Variants in TBC1D4 observed in about 807,000 individuals in gnomAD.
TBC1D4 encodes the protein TBC (Tre-2, BUB2, CDC16) domain-containing protein.
Under a neutral mutation model 142.5 loss-of-function variants are expected in TBC1D4, and 121 were observed. The observed-to-expected ratio is 0.85, with a 90% CI of 0.73 to 0.99. The LOEUF (loss-of-function observed/expected upper bound fraction) is 0.99. TBC1D4 is among the 50% of genes least tolerant of loss of function. The probability of loss-of-function intolerance (pLI) is 0.00; values close to 1 mark genes in which losing one functional copy is unlikely to be tolerated. For synonymous variants in TBC1D4, 630 were observed against 628.2 expected, an observed-to-expected ratio of 1.00 and a Z score of -0.04; for missense variants, 1,475 against 1,606.6, an observed-to-expected ratio of 0.92 and a Z score of 1.40.
At chr13:75,344,355 A>C (rs1282762740) in intron 5 of TBC1D4, among the ~76,000 whole-genome samples, 1 of 152,244 alleles carries the variant, frequency 6.6e-6, no homozygotes, top group African/African-American at 2.4e-5. Context: ...TAAACTAGGA[A>C]GTTTCTTTAG....
chr13:75,291,800 G>C (rs1875337171), intron 19 of TBC1D4, among the ~76,000 whole-genome samples: 1 of 152,090 alleles, frequency 6.6e-6, no homozygotes, highest in Non-Finnish European at 1.5e-5. Context: ...ATATAACAAA[G>C]GCAAGAGGAT....
At position 75,324,186 on chromosome 13, in the gene TBC1D4, G is replaced by A. The variant is rs191502162; in HGVS notation, c.2198+51C>T. ...TCAACCACTTTTTAGTAACATATCA[G>A]TATATCACTGCAGAAAATTTTGCTT... On this transcript the variant is annotated intron_variant, in intron 11 of 20. Transcript: ENST00000377636. 299 of 1,604,114 alleles carry A rather than the reference G, an allele frequency of 1.9e-4. 5 individuals carry two copies. In the African/African-American group the frequency reaches 3.6e-3, roughly 19 times the overall value.
In TBC1D4 at chr13:75,411,767, G is replaced by A. The variant is rs1885680676; in HGVS notation, c.499-49160C>T. 2.0e-5 allele frequency among the ~76,000 whole-genome samples: 3 copies of A among 151,750 alleles called. No homozygotes were observed. The South Asian group carries it at 6.2e-4, about 32-fold the overall frequency. On this transcript the variant is annotated intron_variant, in intron 1 of 20. Coordinates refer to ENST00000377636, the MANE Select transcript of TBC1D4 (RefSeq NM_014832.5). ...TGGCCAGGCTGGTCTCGAACTCCTG[G>A]CCTCAGGTGATCCACCCGCCTCGGC...
At chr13:75,306,586 G>A (rs891559134) in intron 14 of TBC1D4, 115 bp from the exon 15 acceptor site, 2 of 1,258,434 alleles carry the variant, frequency 1.6e-6, no homozygotes, top group Middle Eastern at 2.2e-4. Flanking sequence ...AACTGGTAGT[G>A]TATCTCAAAA....
chr13:75,447,583 C>T (rs183815893), intron 1 of TBC1D4, among the ~76,000 whole-genome samples: 32 of 150,280 alleles, frequency 2.1e-4, no homozygotes, highest in African/African-American at 7.3e-4. Flanking sequence ...CACACATATA[C>T]GTATACTTTA....
chr13:75,293,027 T>A (rs1332085554), intron 18 of TBC1D4, among the ~76,000 whole-genome samples: 3 of 152,082 alleles, frequency 2.0e-5, no homozygotes, highest in Non-Finnish European at 4.4e-5. Context: ...TGGTGGCACA[T>A]GCCTGTAGTC....
intron 1 of TBC1D4, among the ~76,000 whole-genome samples, chr13:75,470,833 A>G (rs1226820389): frequency 6.6e-6 from 1 of 152,158 alleles, no homozygotes; most frequent in African/African-American, 2.4e-5. Context: ...CAAAAAATAC[A>G]TAAACTAGCC....
intron 1 of TBC1D4, among the ~76,000 whole-genome samples, chr13:75,473,138 C>T (rs934362861): frequency 1.1e-4 from 16 of 152,252 alleles, no homozygotes; most frequent in African/African-American, 3.4e-4. Context: ...GCTGGGATTA[C>T]AGGCATGCAC....
chr13:75,329,773 C>T (rs1045218871), intron 8 of TBC1D4, among the ~76,000 whole-genome samples: 1 of 152,110 alleles, frequency 6.6e-6, no homozygotes, highest in Non-Finnish European at 1.5e-5. Flanking sequence ...ACTAATAGTT[C>T]GGCTGGATAT....
chr13:75,371,325 GA>G lies in TBC1D4; in HGVS notation c.499-8719del, dbSNP rs1883209719. Among the ~76,000 whole-genome samples the G allele has an allele frequency of 2.0e-5, 3 of 152,202 alleles. No individual in the cohort carries two copies. In the South Asian group the frequency reaches 6.2e-4, roughly 31 times the overall value. On this transcript the variant is annotated intron_variant, in intron 1 of 20. Coordinates refer to ENST00000377636, the MANE Select transcript of TBC1D4 (RefSeq NM_014832.5). ...GTGAAGGGGAAATCAATGATTTCAA[GA>G]AACAGGGCAGAATTGCTGGAGCAAT...
chr13:75,430,768 G>A (rs1886564290), intron 1 of TBC1D4, among the ~76,000 whole-genome samples: 1 of 152,116 alleles, frequency 6.6e-6, no homozygotes, highest in Non-Finnish European at 1.5e-5. Context: ...TTTATCCTGT[G>A]TAATTAGGGT....
intron 1 of TBC1D4, among the ~76,000 whole-genome samples, chr13:75,436,534 T>C (rs1229356728): frequency 6.6e-6 from 1 of 151,962 alleles, no homozygotes; most frequent in Admixed American, 6.6e-5. Context: ...TGCATGCCTA[T>C]AGTCCCAGCT....
At chr13:75,295,298 G>A (rs1020543684) in intron 17 of TBC1D4, among the ~76,000 whole-genome samples, 1 of 152,148 alleles carries the variant, frequency 6.6e-6, no homozygotes, top group African/African-American at 2.4e-5. Context: ...CTTCTGTAGG[G>A]AGGCATTGCT....
chr13:75,475,274 A>G (rs2138342484), intron 1 of TBC1D4, among the ~76,000 whole-genome samples: 1 of 152,310 alleles, frequency 6.6e-6, no homozygotes, highest in Non-Finnish European at 1.5e-5. Context: ...GTCAAGAAAA[A>G]TCCTTTACTT....
chr13:75,287,347 G>T (rs1449392026), intron 20 of TBC1D4, among the ~76,000 whole-genome samples: 1 of 152,148 alleles, frequency 6.6e-6, no homozygotes, highest in African/African-American at 2.4e-5. Context: ...AGAAACAGGA[G>T]ATTCCTGACA....
In TBC1D4 at chr13:75,286,803, T is replaced by G; in HGVS notation, c.3886A>C (p.Asn1296His). 3.1e-6 allele frequency: 5 copies of G among 1,613,738 alleles called. No individual in the cohort carries two copies. The highest frequency in any genetic ancestry group is 4.2e-6 in the Non-Finnish European group (5 of 1,179,864). The part of the protein sequence containing the change: ...CNPNNKAKIG[N>H]KP ...CCGTGCCTCTTCAATTATGGCTTAT[T>G]TCCTATCTTGGCTTTGTTGTTAGGG... The change falls in exon 21 of 21, where the codon AAT (asparagine) becomes CAT (histidine). Residue 1296 changes from asparagine to histidine, a missense_variant. Coordinates refer to ENST00000377636, the MANE Select transcript of TBC1D4 (RefSeq NM_014832.5).
intron 11 of TBC1D4, among the ~76,000 whole-genome samples, chr13:75,320,752 C>T (rs1025324934): frequency 1.3e-5 from 2 of 151,116 alleles, no homozygotes; most frequent in Non-Finnish European, 2.9e-5. Context: ...AGGCTGGGCG[C>T]GGTGCTCATG....
chr13:75,411,684 T>C (rs111899672), intron 1 of TBC1D4, among the ~76,000 whole-genome samples: 1,827 of 151,740 alleles, frequency 0.012, 35 homozygotes, highest in African/African-American at 0.042. Flanking sequence ...TCACCATATC[T>C]GGCTAATTTT....
intron 1 of TBC1D4, among the ~76,000 whole-genome samples, chr13:75,400,401 A>G (rs1885026135): frequency 6.6e-6 from 1 of 151,246 alleles, no homozygotes; most frequent in Admixed American, 6.6e-5. Context: ...AATACACCCC[A>G]TTCTCCAAAT....
Sources: allele counts gnomAD v4.1 joint callset (sites outside exome capture counted in the v4.1 genomes callset), GRCh38; gene constraint gnomAD v4.1.1; transcripts MANE v1.5; gene names NCBI Gene and HGNC (gene_info 2026-07-23, HGNC 2026-07-21).